The following DOCK10 variants were observed in gnomAD, a reference collection of about 807,000 sequenced individuals.
DOCK10 encodes dedicator of cytokinesis 10, also known as dedicator of cytokinesis protein 10.
In DOCK10, 145 loss-of-function variants were observed where a neutral mutation model predicts 280.1. The ratio of observed to expected loss-of-function variants is 0.52; its 90% confidence interval spans 0.45 to 0.59. DOCK10 has a LOEUF of 0.59. DOCK10 is among the 20% of genes least tolerant of loss of function. The pLI, the probability that DOCK10 is intolerant of heterozygous loss-of-function variation, is 0.00. For missense variants in DOCK10, 2,368 were observed against 2,651.7 expected, an observed-to-expected ratio of 0.89 and a Z score of 2.35; for synonymous variants, 915 against 942.2, an observed-to-expected ratio of 0.97 and a Z score of 0.53.
intron 1 of DOCK10, among the ~76,000 whole-genome samples, chr2:225,010,107 G>A (rs1052158913): frequency 6.6e-6 from 1 of 152,258 alleles, no homozygotes; most frequent in Non-Finnish European, 1.5e-5. Flanking sequence ...AGTTCTGAGG[G>A]TGTGTGGGGC....
chr2:224,817,482 T>C (rs116217608), intron 29 of DOCK10, among the ~76,000 whole-genome samples: 386 of 152,356 alleles, frequency 2.5e-3, no homozygotes, highest in African/African-American at 8.1e-3. Context: ...TATTTTAGAA[T>C]TATATCTTGT....
intron 1 of DOCK10, among the ~76,000 whole-genome samples, chr2:225,039,899 C>A (rs1042449793): frequency 1.4e-4 from 22 of 152,152 alleles, no homozygotes; most frequent in African/African-American, 4.8e-4. Context: ...GATACTTTTT[C>A]TCAGCAGGAG....
intron 7 of DOCK10, among the ~76,000 whole-genome samples, chr2:224,876,979 T>G (rs1698668585): frequency 6.6e-6 from 1 of 152,216 alleles, no homozygotes; most frequent in South Asian, 2.1e-4. Context: ...GCTTGACATC[T>G]CTACTTTGCA....
intron 26 of DOCK10, among the ~76,000 whole-genome samples, chr2:224,831,934 TG>T (rs2125401874): frequency 6.6e-6 from 1 of 152,280 alleles, no homozygotes; most frequent in African/African-American, 2.4e-5. Context: ...GGGCTCCTGG[TG>T]GGCTTGTTCT....
chr2:224,835,263 CATCAATG>C (rs756145296), intron 25 of DOCK10, among the ~76,000 whole-genome samples: 25 of 152,244 alleles, frequency 1.6e-4, no homozygotes, highest in Non-Finnish European at 3.5e-4. Context: ...GTAACGTCAT[CATCAATG>C]AGCTCATGCC....
intron 3 of DOCK10, among the ~76,000 whole-genome samples, chr2:224,909,243 C>T (rs1016407103): frequency 4.1e-4 from 62 of 152,202 alleles, no homozygotes; most frequent in Admixed American, 4.1e-3. Context: ...CCCTCTCCTC[C>T]TCAAACCCCT....
rs1195307831 is a variant in DOCK10 at position 224,849,619 on chromosome 2, T to C, written c.2143-20A>G. The C allele has an allele frequency of 5.9e-6, 9 of 1,530,686 alleles. No homozygotes were observed. The highest frequency in any genetic ancestry group is 4.1e-5 in the African/African-American group (3 of 73,180). 94.8% of individuals were successfully genotyped at this position (1,530,686 alleles called of 1,614,324 possible). A position where few individuals can be genotyped will look rare whatever the true frequency, so the allele number is the denominator to read the frequency against. On this transcript the variant is annotated intron_variant, in intron 18 of 55. Coordinates refer to ENST00000258390, the MANE Select transcript of DOCK10 (RefSeq NM_014689.3). ...AATACACTGTTTGAAAAGTTATGAG[T>C]TGAACAATTATGAGTGTCTGAAATT...
chr2:224,779,486 G>A (rs774886065), intron 50 of DOCK10, among the ~76,000 whole-genome samples: 2 of 152,114 alleles, frequency 1.3e-5, no homozygotes, highest in Non-Finnish European at 2.9e-5. Flanking sequence ...AAAGTGCTGG[G>A]ATTACAGGCT....
chr2:224,821,754 ATTCT>A (rs1299115682), intron 28 of DOCK10, among the ~76,000 whole-genome samples: 3 of 152,158 alleles, frequency 2.0e-5, no homozygotes, highest in African/African-American at 4.8e-5. Context: ...ACTATACATA[ATTCT>A]TTCTAAGTTT....
chr2:224,915,490 C>T lies in DOCK10; in HGVS notation c.333+1205G>A, dbSNP rs552459943. Among the ~76,000 whole-genome samples, 5 of 151,926 alleles carry T rather than the reference C, an allele frequency of 3.3e-5. No homozygotes were observed. In the South Asian group the frequency reaches 8.3e-4, roughly 25 times the overall value. ...ATAATGGAATTGGGAAAAAAAAGACCGATAAAACAATGATCTGAACTGAAC... is the reference window on the plus strand; with the variant it reads ...ATAATGGAATTGGGAAAAAAAAGACTGATAAAACAATGATCTGAACTGAAC... On this transcript the variant is annotated intron_variant, in intron 3 of 55. Transcript: ENST00000258390.
chr2:225,016,406 G>A (rs1054640385), intron 1 of DOCK10, among the ~76,000 whole-genome samples: 6 of 151,502 alleles, frequency 4.0e-5, no homozygotes, highest in African/African-American at 1.2e-4. Flanking sequence ...GTTCTTATAT[G>A]AGTAAGAAGG....
chr2:224,854,444 A>G (rs1696968149), intron 16 of DOCK10, among the ~76,000 whole-genome samples: 1 of 152,228 alleles, frequency 6.6e-6, no homozygotes, highest in African/African-American at 2.4e-5. Context: ...CATTTCAGTT[A>G]TAATCATTGC....
At chr2:225,026,285 C>T (rs528452668) in intron 1 of DOCK10, among the ~76,000 whole-genome samples, 5 of 152,284 alleles carry the variant, frequency 3.3e-5, no homozygotes, top group Admixed American at 6.5e-5. Context: ...AGAACATTAG[C>T]AGCATTCTGG....
At chr2:224,860,540 T>G (rs1697432166) in intron 14 of DOCK10, 1 of 152,116 alleles carries the variant, frequency 6.6e-6, no homozygotes, top group East Asian at 1.9e-4. Flanking sequence ...CAAGCTCACT[T>G]GGCTAATAAA....
At chr2:224,967,272 G>A (rs1186959766) in intron 1 of DOCK10, among the ~76,000 whole-genome samples, 1 of 151,916 alleles carries the variant, frequency 6.6e-6, no homozygotes, top group African/African-American at 2.4e-5. Flanking sequence ...AGTAGAGACG[G>A]GGTTTCACCG....
intron 1 of DOCK10, among the ~76,000 whole-genome samples, chr2:224,964,611 C>T (rs1345395091): frequency 2.0e-5 from 3 of 152,110 alleles, no homozygotes; most frequent in Non-Finnish European, 2.9e-5. Flanking sequence ...CTCAACCCAT[C>T]GGCCCACCTT....
intron 2 of DOCK10, among the ~76,000 whole-genome samples, chr2:224,928,881 A>G (rs1399529679): frequency 2.0e-5 from 3 of 152,196 alleles, no homozygotes; most frequent in Non-Finnish European, 4.4e-5. Context: ...TTCCTTCTTG[A>G]AACACTCCTG....
intron 1 of DOCK10, among the ~76,000 whole-genome samples, chr2:224,969,322 G>A (rs1178049381): frequency 6.6e-6 from 1 of 152,168 alleles, no homozygotes; most frequent in Non-Finnish European, 1.5e-5. Context: ...AACCACATCT[G>A]TAGCGAACAT....
At chr2:225,027,509 T>C (rs1179831161) in intron 1 of DOCK10, among the ~76,000 whole-genome samples, 1 of 152,160 alleles carries the variant, frequency 6.6e-6, no homozygotes, top group Admixed American at 6.6e-5. Flanking sequence ...GATTGCATCA[T>C]GGGATCGGTT....
Sources: gnomAD v4.1 joint callset for allele counts (sites outside exome capture counted in the v4.1 genomes callset) on GRCh38, gnomAD v4.1.1 for gene constraint, MANE v1.5 for transcripts, NCBI Gene and HGNC (gene_info 2026-07-23, HGNC 2026-07-21) for gene names.